C17orf78: variants seen among roughly 807,000 people sequenced by gnomAD.
C17orf78 encodes chromosome 17 open reading frame 78, also known as uncharacterized protein C17orf78.
C17orf78 carries 27 observed loss-of-function variants against 31.8 expected under a neutral mutation model. The ratio of observed to expected loss-of-function variants is 0.85; its 90% confidence interval spans 0.63 to 1.17. C17orf78 has a LOEUF of 1.17. Ranked by LOEUF, C17orf78 falls within the 50% of genes most tolerant of loss-of-function variation. The pLI is 0.00. For synonymous variants in C17orf78, 106 were observed against 115.1 expected, an observed-to-expected ratio of 0.92 and a Z score of 0.51; for missense variants, 258 against 315.2, an observed-to-expected ratio of 0.82 and a Z score of 1.37.
Position 37,388,811 on chromosome 17 carries a change from A to ATTGCC in C17orf78, c.633+20_633+21insCCTTG. The ATTGCC allele has an allele frequency of 6.2e-7, 1 of 1,612,452 alleles. No individual in the cohort carries two copies. The highest frequency in any genetic ancestry group is 1.7e-5 in the Admixed American group (1 of 59,846). ...CCATGTCCTGTAAGTTTGCTGTTGT[A>ATTGCC]TTGAATCCTTGAACTTGACCCATAA... On this transcript the variant is annotated intron_variant, in intron 5 of 6. Coordinates refer to ENST00000615133, the MANE Select transcript of C17orf78 (RefSeq NM_173625.5).
chr17:37,380,912 T>A (rs829155), intron 3 of C17orf78, among the ~76,000 whole-genome samples: 73,783 of 149,958 alleles, frequency 0.49, 19,174 homozygotes, highest in East Asian at 0.92. Flanking sequence ...TTTTTTTTTT[T>A]AATTTCATTT....
At chr17:37,377,752 T>C in intron 1 of C17orf78, 127 bp from the exon 2 acceptor site, 1 of 562,374 alleles carries the variant, frequency 1.8e-6, no homozygotes. Context: ...TTGCAAGTTT[T>C]ATGAGCAGGA....
In C17orf78 at chr17:37,379,119, T is replaced by C. The variant is rs2050133352; in HGVS notation, c.146-18T>C. 2 of 1,601,912 alleles carry C rather than the reference T, an allele frequency of 1.2e-6. No homozygotes were observed. The highest frequency in any genetic ancestry group is 1.7e-6 in the Non-Finnish European group (2 of 1,174,944). On this transcript the variant is annotated intron_variant, in intron 2 of 6. Coordinates refer to ENST00000615133, the MANE Select transcript of C17orf78 (RefSeq NM_173625.5). ...ACAAAACCAGCTCCATTTTTCTATC[T>C]GGTTCTTCTCCTTCCAGAAACTCAC...
chr17:37,380,935 G>A (rs2050225731), intron 3 of C17orf78, among the ~76,000 whole-genome samples: 1 of 150,518 alleles, frequency 6.6e-6, no homozygotes, highest in Non-Finnish European at 1.5e-5. Context: ...CATGCACACA[G>A]TAAAATATTC....
intron 3 of C17orf78, among the ~76,000 whole-genome samples, chr17:37,381,975 G>A (rs965267591): frequency 2.0e-5 from 3 of 152,004 alleles, no homozygotes; most frequent in East Asian, 1.9e-4. Context: ...TATTTTGGTC[G>A]TTTCCAATCT....
chr17:37,383,521 T>A (rs1488174074), intron 3 of C17orf78, among the ~76,000 whole-genome samples: 1 of 152,200 alleles, frequency 6.6e-6, no homozygotes, highest in African/African-American at 2.4e-5. Context: ...GATACATTTT[T>A]ATGAAACCAT....
intron 3 of C17orf78, among the ~76,000 whole-genome samples, chr17:37,382,912 T>C (rs1490628320): frequency 2.6e-5 from 4 of 151,622 alleles, no homozygotes; most frequent in Non-Finnish European, 5.9e-5. Context: ...AGGCACGCGC[T>C]TGTAGTCCCA....
At chr17:37,385,251 C>A (rs147951964) in intron 3 of C17orf78, among the ~76,000 whole-genome samples, 2,330 of 152,204 alleles carry the variant, frequency 0.015, 23 homozygotes, top group Non-Finnish European at 0.023. Context: ...GTGGGCAGAT[C>A]ACTTGAGGTC....
intron 3 of C17orf78, among the ~76,000 whole-genome samples, chr17:37,382,348 T>A (rs1214803012): frequency 6.6e-6 from 1 of 151,898 alleles, no homozygotes; most frequent in East Asian, 1.9e-4. Context: ...CCTTTCTTTT[T>A]TTCATATAGT....
chr17:37,388,505 C>A (rs541979608), intron 4 of C17orf78, among the ~76,000 whole-genome samples, 165 bp from the exon 5 acceptor site: 22 of 88,460 alleles, frequency 2.5e-4, no homozygotes, highest in African/African-American at 7.8e-4. Context: ...CTCACCCTCA[C>A]ACCCCCTCCA....
intron 6 of C17orf78, among the ~76,000 whole-genome samples, chr17:37,391,143 C>T (rs2050865709): frequency 3.3e-5 from 5 of 152,114 alleles, no homozygotes. Context: ...GAGGCTGAGG[C>T]AGGATAATCG....
At position 37,375,988 on chromosome 17, in the gene C17orf78, A is replaced by C. The variant is rs1201140747; in HGVS notation, c.-105A>C. 4.4e-6 allele frequency: 4 copies of C among 905,946 alleles called. No homozygotes were observed. In the African/African-American group the frequency reaches 6.5e-5, roughly 15 times the overall value. 56.1% of individuals were successfully genotyped at this position (905,946 alleles called of 1,614,324 possible). On this transcript the variant is annotated 5_prime_UTR_variant, in exon 1 of 7. Coordinates refer to ENST00000615133, the MANE Select transcript of C17orf78 (RefSeq NM_173625.5). ...TGGAATCAGAGTCTCTCAGGGTCAA[A>C]CTTGGTTCCAGCTGCGTGTGGTGAA...
rs1210277886 is a variant in C17orf78, at chr17:37,390,268, T to C, written c.750+906T>C. On this transcript the variant is annotated intron_variant, in intron 6 of 6. Coordinates refer to ENST00000615133, the MANE Select transcript of C17orf78 (RefSeq NM_173625.5). ...TATATATATATTATATATAATTATATATAATATATTATATATAATTATATA... is the reference window on the plus strand; with the variant it reads ...TATATATATATTATATATAATTATACATAATATATTATATATAATTATATA... 1.5e-3 allele frequency among the ~76,000 whole-genome samples: 97 copies of C among 66,814 alleles called. 6 individuals carry two copies. In the East Asian group the frequency reaches 0.041, roughly 29 times the overall value. 43.8% of individuals were successfully genotyped at this position (66,814 alleles called of 152,430 possible).
At chr17:37,383,987 C>T (rs558353497) in intron 3 of C17orf78, among the ~76,000 whole-genome samples, 43 of 152,208 alleles carry the variant, frequency 2.8e-4, no homozygotes, top group Non-Finnish European at 4.9e-4. Flanking sequence ...AAATTAGAGC[C>T]GGGCGCGGTG....
chr17:37,390,304 T>TTTTA (rs1201500381), intron 6 of C17orf78, among the ~76,000 whole-genome samples: 21 of 17,976 alleles, frequency 1.2e-3, no homozygotes, highest in African/African-American at 6.9e-3. Context: ...TTATACATAA[T>TTTTA]TATATATATA....
chr17:37,384,569 A>T (rs952789332), intron 3 of C17orf78, among the ~76,000 whole-genome samples: 1 of 152,228 alleles, frequency 6.6e-6, no homozygotes, highest in Non-Finnish European at 1.5e-5. Flanking sequence ...GATTAAAAAA[A>T]AAAACACAGA....
rs553058120 is a variant in C17orf78 at position 37,392,469 on chromosome 17, C to T, written c.*745C>T. 1 of 152,186 alleles carries T rather than the reference C, an allele frequency of 6.6e-6. No individual in the cohort carries two copies. The highest frequency in any genetic ancestry group is 1.5e-5 in the Non-Finnish European group (1 of 68,032). The allele number at this position is 152,186 out of a possible 1,614,324, so 9.4% of individuals were successfully genotyped here. On this transcript the variant is annotated 3_prime_UTR_variant, in exon 7 of 7. Coordinates refer to ENST00000615133, the MANE Select transcript of C17orf78 (RefSeq NM_173625.5). ...GAGAATAGCTATGAGTCAAATCTAA[C>T]CTGCTTAAATAAGAGTTTGGTGAGA...
chr17:37,385,004 T>A (rs1255932908), intron 3 of C17orf78, among the ~76,000 whole-genome samples: 1 of 151,948 alleles, frequency 6.6e-6, no homozygotes, highest in Non-Finnish European at 1.5e-5. Context: ...TGGAGACGAG[T>A]GAGGTTATTT....
chr17:37,390,175 T>TATATATATATATATACACAC (rs60788220), intron 6 of C17orf78, among the ~76,000 whole-genome samples: 2 of 44,512 alleles, frequency 4.5e-5, no homozygotes, highest in Non-Finnish European at 7.2e-5. Flanking sequence ...TATATATATA[T>TATATATATATATATACACAC]ACACACACAC....
Sources: allele counts gnomAD v4.1 joint callset (sites outside exome capture counted in the v4.1 genomes callset), GRCh38; gene constraint gnomAD v4.1.1; transcripts MANE v1.5; gene names NCBI Gene and HGNC (gene_info 2026-07-23, HGNC 2026-07-21).